COL5A2: variants seen among roughly 807,000 people sequenced by gnomAD.
COL5A2 encodes collagen alpha-2(V) chain.
In COL5A2, 23 loss-of-function variants were observed where a neutral mutation model predicts 208.2. The observed-to-expected ratio is 0.11, with a 90% CI of 0.08 to 0.16. The LOEUF (loss-of-function observed/expected upper bound fraction) is 0.16, where lower values mean the gene tolerates loss of function less well. Among genes scored for constraint, COL5A2 ranks in the 10% least tolerant of loss-of-function variants. The pLI, the probability that COL5A2 is intolerant of heterozygous loss-of-function variation, is 1.00. For synonymous variants in COL5A2, 625 were observed against 628.5 expected (o/e 0.99, Z 0.08); for missense variants, 1,590 against 1,956.4 (o/e 0.81, Z 3.53).
At chr2:189,041,722 T>G in intron 49 of COL5A2, 29 bp from the exon 50 acceptor site, 1 of 1,543,762 alleles carries the variant, frequency 6.5e-7, no homozygotes, top group Non-Finnish European at 9.0e-7. Context: ...GTAGTTTAGA[T>G]TCTATGAAGG....
intron 2 of COL5A2, among the ~76,000 whole-genome samples, chr2:189,106,314 G>C (rs7592439): frequency 0.13 from 20,347 of 151,164 alleles, 2,235 homozygotes; most frequent in African/African-American, 0.29. Context: ...ATTTTCATCA[G>C]ATCTCATACA....
chr2:189,230,093 T>C (rs1325800425), upstream of COL5A2, among the ~76,000 whole-genome samples: 1 of 151,820 alleles, frequency 6.6e-6, no homozygotes, highest in Non-Finnish European at 1.5e-5. Context: ...ATAAAGATAG[T>C]GTGTTTAACA....
the COL5A2 span, among the ~76,000 whole-genome samples, chr2:189,297,585 G>A: frequency 2.2e-4 from 33 of 152,280 alleles, no homozygotes; most frequent in African/African-American, 7.7e-4. Context: ...GAGAAATCCA[G>A]ATGCTTTCAT....
chr2:189,141,515 T>C (rs1687933945), intron 1 of COL5A2, among the ~76,000 whole-genome samples: 1 of 152,176 alleles, frequency 6.6e-6, no homozygotes, highest in African/African-American at 2.4e-5. Context: ...TATTAATATA[T>C]ACAATTATCT....
At chr2:189,045,696 TA>T in intron 46 of COL5A2, 103 bp downstream of exon 46, 2 of 899,714 alleles carry the variant, frequency 2.2e-6, no homozygotes, top group South Asian at 2.7e-5. Context: ...TTAGAGTCCT[TA>T]ACGAAGTGCA....
At chr2:189,253,111 T>C in the COL5A2 span, among the ~76,000 whole-genome samples, 1 of 152,182 alleles carries the variant, frequency 6.6e-6, no homozygotes, top group Non-Finnish European at 1.5e-5. Flanking sequence ...GCTAAGAGAA[T>C]ATTGCCATAA....
the COL5A2 span, among the ~76,000 whole-genome samples, chr2:189,339,854 A>C: frequency 6.6e-6 from 1 of 152,138 alleles, no homozygotes; most frequent in Non-Finnish European, 1.5e-5. Flanking sequence ...GATTTTTCTG[A>C]GAAAGGAACT....
the COL5A2 span, among the ~76,000 whole-genome samples, chr2:189,243,447 A>G: frequency 6.6e-6 from 1 of 152,168 alleles, no homozygotes; most frequent in South Asian, 2.1e-4. Flanking sequence ...GGAAGAAGAT[A>G]GAGAGCTTGC....
the COL5A2 span, among the ~76,000 whole-genome samples, chr2:189,380,385 T>C: frequency 6.6e-6 from 1 of 151,562 alleles, no homozygotes; most frequent in African/African-American, 2.4e-5. Flanking sequence ...GTAAAGATAA[T>C]AGAAAAAGTT....
At chr2:189,253,002 T>C in the COL5A2 span, among the ~76,000 whole-genome samples, 4 of 152,310 alleles carry the variant, frequency 2.6e-5, no homozygotes, top group Middle Eastern at 3.4e-3. Flanking sequence ...AACATTGTTA[T>C]AACCAAGAAG....
the COL5A2 span, among the ~76,000 whole-genome samples, chr2:189,364,673 GA>G: frequency 6.6e-6 from 1 of 151,132 alleles, no homozygotes; most frequent in East Asian, 1.9e-4. Flanking sequence ...GACAGAGCAA[GA>G]CTCTGTCTCA....
intron 1 of COL5A2, among the ~76,000 whole-genome samples, chr2:189,116,867 T>A (rs866560342): frequency 3.9e-5 from 6 of 152,248 alleles, no homozygotes; most frequent in Middle Eastern, 3.4e-3. Flanking sequence ...ATTTTGAAAA[T>A]TTTCCTTGAA....
chr2:189,077,605 G>C (rs1576511569), intron 16 of COL5A2, among the ~76,000 whole-genome samples: 1 of 152,198 alleles, frequency 6.6e-6, no homozygotes, highest in African/African-American at 2.4e-5. Context: ...TGTTAGCCTA[G>C]ATAAGCCAAT....
chr2:189,362,567 G>C, the COL5A2 span, among the ~76,000 whole-genome samples: 1 of 151,958 alleles, frequency 6.6e-6, no homozygotes, highest in African/African-American at 2.4e-5. Context: ...ATTGCACCCT[G>C]ACTGCCAGAA....
chr2:189,366,890 C>T, the COL5A2 span, among the ~76,000 whole-genome samples: 6 of 152,128 alleles, frequency 3.9e-5, no homozygotes, highest in Non-Finnish European at 7.4e-5. Flanking sequence ...TCAAATCAGG[C>T]GAGAAATGCT....
the COL5A2 span, among the ~76,000 whole-genome samples, chr2:189,291,181 T>C: frequency 6.6e-6 from 1 of 152,086 alleles, no homozygotes; most frequent in Non-Finnish European, 1.5e-5. Context: ...CAATAAACAT[T>C]TTGATTTTAT....
At chr2:189,306,126 T>C in the COL5A2 span, among the ~76,000 whole-genome samples, 1 of 152,338 alleles carries the variant, frequency 6.6e-6, no homozygotes, top group East Asian at 1.9e-4. Flanking sequence ...AACTTTGTAC[T>C]AGTATTGTGC....
In COL5A2 at chr2:189,066,307, G is replaced by A. The variant is rs960423791; in HGVS notation, c.1563+83C>T. 5.5e-6 allele frequency: 7 copies of A among 1,267,396 alleles called. No individual in the cohort carries two copies. The African/African-American group carries it at 5.9e-5, about 11-fold the overall frequency. The allele number at this position is 1,267,396 out of a possible 1,614,324, so 78.5% of individuals were successfully genotyped here. A position where few individuals can be genotyped will look rare whatever the true frequency, so the allele number is the denominator to read the frequency against. The stretch of plus-strand genomic sequence containing the variant: ...GAACCTGCAAGCATTTCTCTTAACT[G>A]TTCTAGTTTTCCTTACTGTTCTCAG... On this transcript the variant is annotated intron_variant, in intron 23 of 53. Transcript: ENST00000374866.
chr2:189,242,870 G>A, the COL5A2 span, among the ~76,000 whole-genome samples: 14 of 152,266 alleles, frequency 9.2e-5, no homozygotes, highest in South Asian at 2.1e-4. Flanking sequence ...CAGGAACTTC[G>A]AGGGTAAGTA....
Sources: gnomAD v4.1 joint callset for allele counts (sites outside exome capture counted in the v4.1 genomes callset) on GRCh38, gnomAD v4.1.1 for gene constraint, MANE v1.5 for transcripts, NCBI Gene and HGNC (gene_info 2026-07-23, HGNC 2026-07-21) for gene names.